Variants in CSMD1 observed in about 807,000 individuals in gnomAD.
CSMD1 encodes the protein CUB and sushi domain-containing protein 1.
CSMD1 carries 213 observed loss-of-function variants against 417.5 expected under a neutral mutation model. The observed-to-expected ratio is 0.51, with a 90% CI of 0.46 to 0.57. The LOEUF is 0.57. Ranked by LOEUF, CSMD1 falls within the 20% of genes least tolerant of loss-of-function variation. The probability of loss-of-function intolerance (pLI) is 0.00; values close to 1 mark genes in which losing one functional copy is unlikely to be tolerated. For missense variants in CSMD1, 6,923 were observed against 4,529.7 expected (o/e 1.53, Z -15.17); for synonymous variants, 2,862 against 1,736.8 (o/e 1.65, Z -16.11).
At chr8:3,949,598 C>T (rs919796544) in intron 5 of CSMD1, among the ~76,000 whole-genome samples, 5 of 151,978 alleles carry the variant, frequency 3.3e-5, no homozygotes, top group Admixed American at 6.6e-5. Context: ...AATTGAAGAA[C>T]ATGAGGGTGG....
Position 3,239,807 on chromosome 8 carries a change from G to A in CSMD1, c.4154-9576C>T, listed in dbSNP as rs1799381087. On this transcript the variant is annotated intron_variant, in intron 26 of 69. Transcript: ENST00000635120. ...GGAACAGGAAAGAAGGAAACATGGG[G>A]AAATGGGGTGAATGTCAGATGGATC... 2.6e-5 allele frequency among the ~76,000 whole-genome samples: 4 copies of A among 152,102 alleles called. No homozygotes were observed. In the South Asian group the frequency reaches 8.3e-4, roughly 32 times the overall value.
intron 3 of CSMD1, among the ~76,000 whole-genome samples, chr8:4,251,679 G>A (rs568993309): frequency 6.6e-6 from 1 of 152,114 alleles, no homozygotes; most frequent in African/African-American, 2.4e-5. Context: ...GGATTGGTGG[G>A]GAGCAAAGAC....
At chr8:4,951,240 C>A (rs191120650) in intron 1 of CSMD1, among the ~76,000 whole-genome samples, 213 of 152,230 alleles carry the variant, frequency 1.4e-3, no homozygotes, top group Admixed American at 4.3e-3. Flanking sequence ...GAAACTGTCT[C>A]TTTCCTGTGT....
At chr8:4,747,238 T>C (rs1811019276) in intron 1 of CSMD1, among the ~76,000 whole-genome samples, 1 of 152,228 alleles carries the variant, frequency 6.6e-6, no homozygotes, top group Non-Finnish European at 1.5e-5. Context: ...CAGCATTTTA[T>C]TGAGACATGC....
At chr8:4,263,709 C>G (rs938240981) in intron 3 of CSMD1, among the ~76,000 whole-genome samples, 1 of 152,156 alleles carries the variant, frequency 6.6e-6, no homozygotes, top group African/African-American at 2.4e-5. Context: ...AAGCATCTTA[C>G]TGGCAACAAT....
intron 5 of CSMD1, among the ~76,000 whole-genome samples, chr8:3,951,336 T>G (rs1811583184): frequency 6.6e-6 from 1 of 152,208 alleles, no homozygotes; most frequent in African/African-American, 2.4e-5. Flanking sequence ...ACCAGCCCAG[T>G]GTCCTGAACG....
At chr8:4,783,889 A>G (rs1223165059) in intron 1 of CSMD1, among the ~76,000 whole-genome samples, 2 of 152,188 alleles carry the variant, frequency 1.3e-5, no homozygotes, top group African/African-American at 2.4e-5. Context: ...CTTTTGTGAC[A>G]TATTTCCACA....
chr8:4,077,633 C>G (rs1799903957), intron 3 of CSMD1, among the ~76,000 whole-genome samples: 2 of 152,022 alleles, frequency 1.3e-5, no homozygotes, highest in South Asian at 4.1e-4. Flanking sequence ...TCAGTAGATC[C>G]ACCCGGGTGA....
At chr8:3,028,556 T>C (rs1810114717) in intron 51 of CSMD1, among the ~76,000 whole-genome samples, 1 of 152,220 alleles carries the variant, frequency 6.6e-6, no homozygotes, top group Non-Finnish European at 1.5e-5. Flanking sequence ...CTTCCTGATT[T>C]ATCTTTGTGT....
At chr8:4,196,719 G>A (rs1157502431) in intron 3 of CSMD1, among the ~76,000 whole-genome samples, 4 of 152,050 alleles carry the variant, frequency 2.6e-5, no homozygotes, top group Non-Finnish European at 2.9e-5. Context: ...AGGTCCACCA[G>A]GGTAATTAGG....
chr8:3,680,723 G>C (rs1238695473), intron 7 of CSMD1, among the ~76,000 whole-genome samples: 4 of 152,156 alleles, frequency 2.6e-5, no homozygotes, highest in Non-Finnish European at 4.4e-5. Context: ...AAGCCGGGCA[G>C]AGACACAACC....
intron 52 of CSMD1, among the ~76,000 whole-genome samples, chr8:3,016,366 C>G (rs1563240447): frequency 6.6e-6 from 1 of 152,156 alleles, no homozygotes; most frequent in Admixed American, 6.5e-5. Flanking sequence ...TCACTCATCC[C>G]TATTTTCCTC....
intron 23 of CSMD1, among the ~76,000 whole-genome samples, chr8:3,335,475 C>A (rs775198562): frequency 6.6e-6 from 1 of 152,076 alleles, no homozygotes; most frequent in Non-Finnish European, 1.5e-5. Context: ...GTCGGGAGAT[C>A]GAGACCAGCC....
intron 10 of CSMD1, among the ~76,000 whole-genome samples, chr8:3,503,833 G>A (rs1254752759): frequency 4.3e-5 from 3 of 69,658 alleles, no homozygotes; most frequent in African/African-American, 1.0e-4. Flanking sequence ...ATCCCCCCTT[G>A]CCCCCCCCCA....
Position 3,946,873 on chromosome 8 carries a change from G to C in CSMD1, c.818+51030C>G, listed in dbSNP as rs562777073. ...TTTGTTTTGAAATTGCTCATTGCTT[G>C]TATCGATTTATATTGTGATCTCAAA... On this transcript the variant is annotated intron_variant, in intron 5 of 69. Coordinates refer to ENST00000635120, the MANE Select transcript of CSMD1 (RefSeq NM_033225.6). Among the ~76,000 whole-genome samples, 3 of 152,170 alleles carry C rather than the reference G, an allele frequency of 2.0e-5. No individual in the cohort carries two copies. In the East Asian group the frequency reaches 5.8e-4, roughly 29 times the overall value.
At chr8:3,280,679 T>A (rs1802665370) in intron 26 of CSMD1, among the ~76,000 whole-genome samples, 1 of 151,802 alleles carries the variant, frequency 6.6e-6, no homozygotes, top group African/African-American at 2.4e-5. Flanking sequence ...AAAATGACAA[T>A]TTCATATGAT....
At chr8:3,459,329 G>T (rs1337143484) in intron 12 of CSMD1, among the ~76,000 whole-genome samples, 1 of 152,160 alleles carries the variant, frequency 6.6e-6, no homozygotes, top group East Asian at 1.9e-4. Flanking sequence ...GCTGACGTGG[G>T]GCACAGGGTA....
At chr8:4,179,675 C>T (rs1323942090) in intron 3 of CSMD1, among the ~76,000 whole-genome samples, 2 of 152,078 alleles carry the variant, frequency 1.3e-5, no homozygotes, top group African/African-American at 2.4e-5. Context: ...TCGCAATCTA[C>T]TCATCTGACA....
At chr8:3,160,225 C>T (rs1242464605) in intron 38 of CSMD1, among the ~76,000 whole-genome samples, 2 of 152,108 alleles carry the variant, frequency 1.3e-5, no homozygotes, top group South Asian at 2.1e-4. Flanking sequence ...CTGTTTCAAG[C>T]GATCCACCCA....
Sources: allele counts gnomAD v4.1 joint callset (sites outside exome capture counted in the v4.1 genomes callset), GRCh38; gene constraint gnomAD v4.1.1; transcripts MANE v1.5; gene names NCBI Gene and HGNC (gene_info 2026-07-23, HGNC 2026-07-21).